The following KDM3B variants were observed in gnomAD, a reference collection of about 807,000 sequenced individuals.
KDM3B encodes lysine-specific demethylase 3B.
In KDM3B, 10 loss-of-function variants were observed where a neutral mutation model predicts 170.0. The ratio of observed to expected loss-of-function variants is 0.06; its 90% confidence interval spans 0.04 to 0.10. The LOEUF (loss-of-function observed/expected upper bound fraction) is 0.10. Ranked by LOEUF, KDM3B falls within the 10% of genes least tolerant of loss-of-function variation. KDM3B has a pLI of 1.00. For synonymous variants in KDM3B, 831 were observed against 834.8 expected (o/e 1.00, Z 0.08); for missense variants, 1,394 against 2,195.2 (o/e 0.64, Z 7.29).
At chr5:138,427,345 C>G in intron 19 of KDM3B, 26 bp downstream of exon 19, 1 of 1,594,674 alleles carries the variant, frequency 6.3e-7, no homozygotes, top group Non-Finnish European at 8.6e-7. Context: ...TAAAATTGCT[C>G]TTTTGGGGGA....
chr5:138,406,326 C>G (rs913388180), intron 11 of KDM3B, among the ~76,000 whole-genome samples: 21 of 152,138 alleles, frequency 1.4e-4, no homozygotes, highest in Non-Finnish European at 2.9e-4. Context: ...GCCTGGGTGA[C>G]ATAGTGCAAC....
chr5:138,434,690 A>G (rs573080485), intron 23 of KDM3B, among the ~76,000 whole-genome samples: 48 of 151,728 alleles, frequency 3.2e-4, no homozygotes, highest in Non-Finnish European at 5.7e-4. Context: ...ACAGATATAG[A>G]TATATTTTTT....
intron 14 of KDM3B, among the ~76,000 whole-genome samples, chr5:138,419,995 C>G (rs1472893079): frequency 6.6e-6 from 1 of 152,124 alleles, no homozygotes; most frequent in African/African-American, 2.4e-5. Flanking sequence ...AAGTGATTCT[C>G]CTGCCTCAGC....
intron 14 of KDM3B, among the ~76,000 whole-genome samples, chr5:138,419,901 G>T (rs549171827): frequency 7.9e-5 from 12 of 151,504 alleles, no homozygotes; most frequent in Non-Finnish European, 1.8e-4. Flanking sequence ...GTTTTGAGAC[G>T]GAGTTTTGCT....
chr5:138,426,727 C>G (rs1763403563), intron 17 of KDM3B: 1 of 397,066 alleles, frequency 2.5e-6, no homozygotes, highest in Non-Finnish European at 4.8e-6. Flanking sequence ...CCCGTCTCTA[C>G]TAAAAATACA....
At chr5:138,419,854 A>G (rs1763226239) in intron 14 of KDM3B, among the ~76,000 whole-genome samples, 1 of 151,214 alleles carries the variant, frequency 6.6e-6, no homozygotes, top group East Asian at 1.9e-4. Flanking sequence ...CTGGATCTCT[A>G]GTCAGAATTT....
At chr5:138,404,417 C>T (rs916242251) in intron 11 of KDM3B, among the ~76,000 whole-genome samples, 17 of 152,098 alleles carry the variant, frequency 1.1e-4, no homozygotes, top group Admixed American at 5.2e-4. Context: ...CACCTGAGGT[C>T]GGGAGTTCGA....
At chr5:138,411,680 A>C (rs1357998224) in intron 11 of KDM3B, among the ~76,000 whole-genome samples, 1 of 151,796 alleles carries the variant, frequency 6.6e-6, no homozygotes, top group Non-Finnish European at 1.5e-5. Flanking sequence ...AAAATATAAA[A>C]GTTTATTTTT....
At chr5:138,381,919 G>A (rs1380160349) in intron 6 of KDM3B, among the ~76,000 whole-genome samples, 2 of 151,804 alleles carry the variant, frequency 1.3e-5, no homozygotes, top group Non-Finnish European at 2.9e-5. Flanking sequence ...AGTAATACTC[G>A]TGATCTACCA....
At chr5:138,388,750 T>G (rs2126946356) in intron 7 of KDM3B, among the ~76,000 whole-genome samples, 1 of 151,878 alleles carries the variant, frequency 6.6e-6, no homozygotes, top group African/African-American at 2.4e-5. Flanking sequence ...AGGCGGAGAT[T>G]GCAGTGAGCC....
At chr5:138,370,772 A>G (rs1014015590) in intron 1 of KDM3B, among the ~76,000 whole-genome samples, 1 of 150,824 alleles carries the variant, frequency 6.6e-6, no homozygotes, top group Non-Finnish European at 1.5e-5. Flanking sequence ...ACTGTCCTGC[A>G]TTACTTAGTG....
At chr5:138,404,201 A>G (rs1762760479) in intron 11 of KDM3B, among the ~76,000 whole-genome samples, 1 of 152,228 alleles carries the variant, frequency 6.6e-6, no homozygotes, top group Non-Finnish European at 1.5e-5. Context: ...AGGCAGAAAA[A>G]ATATTTAAAT....
chr5:138,371,082 C>G (rs1024555260), intron 1 of KDM3B, among the ~76,000 whole-genome samples: 1 of 152,152 alleles, frequency 6.6e-6, no homozygotes, highest in Non-Finnish European at 1.5e-5. Context: ...TCTGGGATGG[C>G]AGGCATGAGC....
rs1455829655 is a variant in KDM3B at position 138,436,724 on chromosome 5, T to G, written c.*1024T>G. 1 of 152,182 alleles carries G rather than the reference T, an allele frequency of 6.6e-6. No individual in the cohort carries two copies. Among genetic ancestry groups the G allele is most frequent in the African/African-American group, 2.4e-5 (1 of 41,450 alleles). The allele number at this position is 152,182 out of a possible 1,614,324, so 9.4% of individuals were successfully genotyped here. ...TGGGAAGGACAGTTGATTTCCAACA[T>G]GAGGTTTTTTGTTTTTTATCCAGAA... is the stretch of plus-strand genomic sequence containing the variant. On this transcript the variant is annotated 3_prime_UTR_variant, in exon 24 of 24. Transcript: ENST00000314358.
intron 10 of KDM3B, 101 bp downstream of exon 10, chr5:138,398,493 C>T: frequency 1.0e-6 from 1 of 983,354 alleles, no homozygotes; most frequent in African/African-American, 1.6e-5. Flanking sequence ...ATGGCATTTT[C>T]TGTGAATGAA....
chr5:138,413,605 A>G (rs61315180), intron 11 of KDM3B, among the ~76,000 whole-genome samples: 38,375 of 151,998 alleles, frequency 0.25, 5,465 homozygotes, highest in East Asian at 0.56. Flanking sequence ...AGACCTATAC[A>G]TGAATGTTTA....
chr5:138,388,795 G>C lies in KDM3B; in HGVS notation c.1380+2174G>C, dbSNP rs575633261. 3.9e-5 allele frequency among the ~76,000 whole-genome samples: 6 copies of C among 152,328 alleles called. No homozygotes were observed. The East Asian group carries it at 1.2e-3, about 29-fold the overall frequency. On this transcript the variant is annotated intron_variant, in intron 7 of 23. Transcript: ENST00000314358. Reference sequence around the variant, plus strand: ...CCACTGCACTCCAGCTTGGGTGACAGAGCGAGACTCCGTCTCAAAAAATAA... The same window carrying C: ...CCACTGCACTCCAGCTTGGGTGACACAGCGAGACTCCGTCTCAAAAAATAA...
At position 138,386,053 on chromosome 5, in the gene KDM3B, A is replaced by C; in HGVS notation, c.812A>C (p.Lys271Thr). Residue 271 changes from lysine to threonine, a missense_variant, in exon 7 of 24, where the codon AAA (lysine) becomes ACA (threonine). Lys to Thr is a moderately conservative substitution (Grantham distance 78, BLOSUM62 -1). Coordinates refer to ENST00000314358, the MANE Select transcript of KDM3B (RefSeq NM_016604.4). Reference protein sequence around the residue: ...GGTLKAVKSSKGKKKRESIEG... With the variant: ...GGTLKAVKSSTGKKKRESIEG... ...ACGTTAAAAGCAGTAAAATCTTCCA[A>C]AGGAAAGAAGAAGAGAGAAAGCATA... 2 of 1,607,766 alleles carry C rather than the reference A, an allele frequency of 1.2e-6. No homozygotes were observed. Among genetic ancestry groups the C allele is most frequent in the East Asian group, 2.2e-5 (1 of 44,832 alleles).
intron 11 of KDM3B, among the ~76,000 whole-genome samples, chr5:138,410,749 C>T (rs557656619): frequency 2.8e-4 from 42 of 152,306 alleles, no homozygotes; most frequent in East Asian, 5.8e-4. Context: ...GGTAAGGTCA[C>T]GTGGGTCACA....
Sources: gnomAD v4.1 joint callset for allele counts (sites outside exome capture counted in the v4.1 genomes callset) on GRCh38, gnomAD v4.1.1 for gene constraint, MANE v1.5 for transcripts, NCBI Gene and HGNC (gene_info 2026-07-23, HGNC 2026-07-21) for gene names.